The following PABPC4L variants were observed in gnomAD, a reference collection of about 807,000 sequenced individuals.
PABPC4L encodes polyadenylate-binding protein 4-like.
For missense variants in PABPC4L, 452 were observed against 451.4 expected, an observed-to-expected ratio of 1.00 and a Z score of -0.01; for synonymous variants, 169 against 164.1, an observed-to-expected ratio of 1.03 and a Z score of -0.23.
chr4:134,035,089 C>T, the PABPC4L span, among the ~76,000 whole-genome samples: 10 of 151,988 alleles, frequency 6.6e-5, no homozygotes, highest in Admixed American at 5.9e-4. Context: ...CAGTCATCAA[C>T]GTGGAGACAA....
At chr4:134,134,664 T>A in the PABPC4L span, among the ~76,000 whole-genome samples, 1 of 149,578 alleles carries the variant, frequency 6.7e-6, no homozygotes, top group African/African-American at 2.4e-5. Flanking sequence ...AATAGCAATT[T>A]TATATATAAA....
chr4:133,992,620 C>T, the PABPC4L span, among the ~76,000 whole-genome samples: 11 of 152,136 alleles, frequency 7.2e-5, no homozygotes, highest in East Asian at 1.9e-4. Context: ...AGGGGGTGTC[C>T]GCCCAGGTAA....
the PABPC4L span, among the ~76,000 whole-genome samples, chr4:133,987,622 T>G: frequency 3.9e-5 from 6 of 152,266 alleles, no homozygotes; most frequent in African/African-American, 1.4e-4. Context: ...TCTAAATTTA[T>G]AAAATTTGAA....
the PABPC4L span, among the ~76,000 whole-genome samples, chr4:134,069,492 A>G: frequency 6.6e-6 from 1 of 151,952 alleles, no homozygotes; most frequent in Non-Finnish European, 1.5e-5. Context: ...ACATAATCCC[A>G]TATTTTTGGA....
At chr4:134,149,133 A>G in the PABPC4L span, among the ~76,000 whole-genome samples, 1 of 152,114 alleles carries the variant, frequency 6.6e-6, no homozygotes. Context: ...ACTGTTCAAG[A>G]TAATTAATCA....
chr4:134,167,242 C>A, the PABPC4L span, among the ~76,000 whole-genome samples: 1 of 152,000 alleles, frequency 6.6e-6, no homozygotes, highest in African/African-American at 2.4e-5. Context: ...CAGGTTCATT[C>A]ATTGCAACAA....
At chr4:134,062,920 G>T in the PABPC4L span, among the ~76,000 whole-genome samples, 1 of 152,072 alleles carries the variant, frequency 6.6e-6, no homozygotes, top group Non-Finnish European at 1.5e-5. Context: ...GAGGTGAAAT[G>T]CATTTCACCA....
At chr4:134,098,004 A>G in the PABPC4L span, among the ~76,000 whole-genome samples, 1 of 151,818 alleles carries the variant, frequency 6.6e-6, no homozygotes, top group African/African-American at 2.4e-5. Context: ...TAATTATATT[A>G]AATGAGATCT....
the PABPC4L span, among the ~76,000 whole-genome samples, chr4:134,022,769 T>C: frequency 6.6e-6 from 1 of 152,068 alleles, no homozygotes; most frequent in South Asian, 2.1e-4. Context: ...TCATGTCTTC[T>C]ATGCTTTTCC....
the PABPC4L span, among the ~76,000 whole-genome samples, chr4:134,079,407 C>T: frequency 4.8e-3 from 379 of 79,036 alleles, no homozygotes; most frequent in Non-Finnish European, 5.7e-3. Flanking sequence ...GGTGAAACCC[C>T]ATCTTTACTA....
chr4:134,009,925 T>C, the PABPC4L span, among the ~76,000 whole-genome samples: 3 of 152,092 alleles, frequency 2.0e-5, no homozygotes, highest in African/African-American at 7.2e-5. Context: ...TAGTAGATTC[T>C]CATTGATCTG....
chr4:134,136,225 A>G, the PABPC4L span, among the ~76,000 whole-genome samples: 1 of 152,212 alleles, frequency 6.6e-6, no homozygotes, highest in South Asian at 2.1e-4. Context: ...TCCCACCCAG[A>G]AGAGCACAGA....
At chr4:134,195,773 C>G (rs1329066793), downstream of PABPC4L, among the ~76,000 whole-genome samples, 2 of 151,588 alleles carry the variant, frequency 1.3e-5, no homozygotes, top group Admixed American at 1.3e-4. Context: ...TGAGACAAAA[C>G]CAACACTTAA....
At chr4:134,147,729 G>A in the PABPC4L span, among the ~76,000 whole-genome samples, 1 of 83,032 alleles carries the variant, frequency 1.2e-5, no homozygotes, top group African/African-American at 6.6e-5. Context: ...AAATTACAGT[G>A]TGTGTGTGTG....
At chr4:134,129,669 T>A in the PABPC4L span, among the ~76,000 whole-genome samples, 3 of 152,184 alleles carry the variant, frequency 2.0e-5, no homozygotes, top group South Asian at 6.2e-4. Flanking sequence ...AACTGAATGA[T>A]AATTATAATT....
chr4:134,022,601 T>A, the PABPC4L span, among the ~76,000 whole-genome samples: 1 of 152,078 alleles, frequency 6.6e-6, no homozygotes, highest in Non-Finnish European at 1.5e-5. Context: ...ATTCCCTGTT[T>A]TCCATCATGA....
chr4:134,090,718 A>G, the PABPC4L span, among the ~76,000 whole-genome samples: 1 of 151,964 alleles, frequency 6.6e-6, no homozygotes, highest in Non-Finnish European at 1.5e-5. Flanking sequence ...AGCTATGATT[A>G]TACCATTGCA....
rs1299650538 is a variant in PABPC4L at position 134,200,514 on chromosome 4, A to G, written c.506T>C (p.Val169Ala). The G allele has an allele frequency of 1.9e-6, 3 of 1,551,522 alleles. No homozygotes were observed. Among genetic ancestry groups the G allele is most frequent in the Non-Finnish European group, 2.6e-6 (3 of 1,146,992 alleles). ...ATCTTTTCGGTTTTTGAATCTGCCA[A>G]CAAACACCTTGCAGCCCTTGAGTAG... ...GKLLKGCKVF[V>A]GRFKNRKDRE... Residue 169 changes from valine (V) to alanine (A), a missense_variant, in exon 2 of 2, where the codon GTT (valine) becomes GCT (alanine). Physicochemically the swap from Val to Ala is moderately conservative, Grantham distance 64 (BLOSUM62 0). Coordinates refer to ENST00000421491, the MANE Select transcript of PABPC4L (RefSeq NM_001114734.2).
chr4:134,107,337 TATA>T, the PABPC4L span, among the ~76,000 whole-genome samples: 1 of 151,572 alleles, frequency 6.6e-6, no homozygotes, highest in Non-Finnish European at 1.5e-5. Flanking sequence ...TCTTCACTTA[TATA>T]ATAATTCTAA....
Sources: allele counts gnomAD v4.1 joint callset (sites outside exome capture counted in the v4.1 genomes callset), GRCh38; gene constraint gnomAD v4.1.1; transcripts MANE v1.5; gene names NCBI Gene and HGNC (gene_info 2026-07-23, HGNC 2026-07-21).